SYT1: variants seen among roughly 807,000 people sequenced by gnomAD.
SYT1 encodes synaptotagmin 1, also known as synaptotagmin-1.
A neutral mutation model predicts 44.8 loss-of-function variants in SYT1; 8 were observed. The observed-to-expected ratio is 0.18, with a 90% CI of 0.10 to 0.32. The LOEUF is 0.32. SYT1 is among the 10% of genes least tolerant of loss of function. SYT1 has a pLI of 1.00. For missense variants in SYT1, 286 were observed against 509.3 expected (o/e 0.56, Z 4.22); for synonymous variants, 154 against 188.8 (o/e 0.82, Z 1.51).
intron 1 of SYT1, among the ~76,000 whole-genome samples, chr12:78,961,577 A>G (rs918523394): frequency 2.6e-5 from 4 of 151,994 alleles, no homozygotes; most frequent in Non-Finnish European, 5.9e-5. Context: ...TATGTCTCCT[A>G]TAGTAGGTTG....
At chr12:79,307,035 CAAT>C (rs1362079512) in intron 8 of SYT1, among the ~76,000 whole-genome samples, 1 of 152,070 alleles carries the variant, frequency 6.6e-6, no homozygotes, top group Non-Finnish European at 1.5e-5. Context: ...TGCTTGGGAG[CAAT>C]ATTTTTTATC....
chr12:78,926,997 A>G (rs1877338478), intron 1 of SYT1, among the ~76,000 whole-genome samples: 2 of 152,120 alleles, frequency 1.3e-5, no homozygotes, highest in East Asian at 1.9e-4. Flanking sequence ...ATCCAGTTTT[A>G]CCCAGAATTT....
At chr12:79,013,272 G>C (rs1871542370) in intron 2 of SYT1, among the ~76,000 whole-genome samples, 1 of 152,056 alleles carries the variant, frequency 6.6e-6, no homozygotes, top group African/African-American at 2.4e-5. Context: ...CCTAAGCATA[G>C]TAGGTATTTC....
intron 3 of SYT1, among the ~76,000 whole-genome samples, chr12:79,076,771 C>T (rs766114692): frequency 2.0e-5 from 3 of 152,118 alleles, no homozygotes; most frequent in Admixed American, 6.6e-5. Context: ...GAGATCGAGG[C>T]CATCCTGGCC....
chr12:79,096,819 C>T (rs1239369733), intron 3 of SYT1, among the ~76,000 whole-genome samples: 1 of 151,872 alleles, frequency 6.6e-6, no homozygotes, highest in African/African-American at 2.4e-5. Flanking sequence ...AAATTTAGTA[C>T]CCAGTTGAGA....
chr12:79,397,992 T>C (rs1450044338), intron 9 of SYT1, among the ~76,000 whole-genome samples: 23 of 152,258 alleles, frequency 1.5e-4, no homozygotes, highest in Admixed American at 1.4e-3. Context: ...GGTTAGGTTA[T>C]GTTCATGCTA....
chr12:79,440,476 T>G (rs999551120), intron 9 of SYT1, among the ~76,000 whole-genome samples: 2 of 152,194 alleles, frequency 1.3e-5, no homozygotes, highest in Admixed American at 6.5e-5. Context: ...CTAGAGACAG[T>G]AGCCCAATTT....
intron 2 of SYT1, among the ~76,000 whole-genome samples, chr12:79,029,823 AG>A (rs5799408): frequency 0.048 from 7,217 of 151,282 alleles, 218 homozygotes; most frequent in Admixed American, 0.087. Flanking sequence ...AAATGTAGAA[AG>A]AAAAGTTAGC....
chr12:79,084,089 G>C (rs1005544643), intron 3 of SYT1, among the ~76,000 whole-genome samples: 6 of 152,082 alleles, frequency 3.9e-5, no homozygotes, highest in Non-Finnish European at 7.4e-5. Context: ...CAGTTCAGAT[G>C]TAACTATTTA....
At chr12:79,175,628 C>A (rs1476741279) in intron 3 of SYT1, among the ~76,000 whole-genome samples, 1 of 152,028 alleles carries the variant, frequency 6.6e-6, no homozygotes, top group African/African-American at 2.4e-5. Context: ...ATTTGAATCT[C>A]CATGGTAAAT....
chr12:79,308,064 TTTACA>T (rs1429384154), intron 8 of SYT1, among the ~76,000 whole-genome samples: 3 of 152,148 alleles, frequency 2.0e-5, no homozygotes, highest in Non-Finnish European at 4.4e-5. Context: ...GCTCCAGAGA[TTTACA>T]GCTCAAATAA....
At chr12:79,046,156 A>G (rs1356548534) in intron 2 of SYT1, among the ~76,000 whole-genome samples, 1 of 152,194 alleles carries the variant, frequency 6.6e-6, no homozygotes, top group African/African-American at 2.4e-5. Flanking sequence ...TCAAGCAGGA[A>G]TAAAGGAAAA....
intron 1 of SYT1, among the ~76,000 whole-genome samples, chr12:78,907,731 G>A (rs1380456264): frequency 6.6e-6 from 1 of 151,962 alleles, no homozygotes; most frequent in Non-Finnish European, 1.5e-5. Flanking sequence ...AGTTATTACT[G>A]TCATGAAGCT....
chr12:79,190,450 AT>A (rs1873047021), intron 3 of SYT1, among the ~76,000 whole-genome samples: 1 of 152,166 alleles, frequency 6.6e-6, no homozygotes, highest in African/African-American at 2.4e-5. Flanking sequence ...ACACACATAC[AT>A]TTTCATTTCA....
intron 3 of SYT1, among the ~76,000 whole-genome samples, chr12:79,151,879 G>C (rs956445017): frequency 9.2e-5 from 14 of 152,140 alleles, no homozygotes; most frequent in Non-Finnish European, 1.8e-4. Context: ...GTTCAGGAGA[G>C]AGAAATTGGG....
intron 9 of SYT1, among the ~76,000 whole-genome samples, chr12:79,442,371 AT>A (rs954911023): frequency 1.3e-5 from 2 of 151,836 alleles, no homozygotes; most frequent in East Asian, 1.9e-4. Context: ...TTTACAGTGG[AT>A]TTTTTTTTAA....
intron 1 of SYT1, among the ~76,000 whole-genome samples, chr12:78,957,238 G>A (rs1388057815): frequency 6.6e-6 from 1 of 152,136 alleles, no homozygotes; most frequent in Non-Finnish European, 1.5e-5. Flanking sequence ...GGAGGCCCAG[G>A]CAGGAGGACA....
chr12:79,055,581 T>C (rs1211801264), intron 3 of SYT1, among the ~76,000 whole-genome samples: 1 of 151,982 alleles, frequency 6.6e-6, no homozygotes, highest in Non-Finnish European at 1.5e-5. Flanking sequence ...GATAAAAAAC[T>C]GTATTCAAGT....
At chr12:79,064,980 GAA>G (rs1404339817) in intron 3 of SYT1, among the ~76,000 whole-genome samples, 1 of 141,240 alleles carries the variant, frequency 7.1e-6, no homozygotes, top group African/African-American at 2.6e-5. Context: ...AAGAAAGAAA[GAA>G]AGAAAGAAAG....
Sources: allele counts gnomAD v4.1 joint callset (sites outside exome capture counted in the v4.1 genomes callset), GRCh38; gene constraint gnomAD v4.1.1; transcripts MANE v1.5; gene names NCBI Gene and HGNC (gene_info 2026-07-23, HGNC 2026-07-21).